The following SHANK2 variants were observed in gnomAD, a reference collection of about 807,000 sequenced individuals.
SHANK2 encodes the protein SH3 and multiple ankyrin repeat domains 2.
A neutral mutation model predicts 133.7 loss-of-function variants in SHANK2; 43 were observed. The ratio of observed to expected loss-of-function variants is 0.32; its 90% CI spans 0.25 to 0.41. SHANK2 has a LOEUF of 0.41. Among genes scored for constraint, SHANK2 ranks in the 10% least tolerant of loss-of-function variants. The probability of loss-of-function intolerance (pLI) is 1.00; values close to 1 mark genes in which losing one functional copy is unlikely to be tolerated. For missense variants in SHANK2, 1,994 were observed against 2,235.8 expected, an observed-to-expected ratio of 0.89 and a Z score of 2.18; for synonymous variants, 1,017 against 952.8, an observed-to-expected ratio of 1.07 and a Z score of -1.24.
chr11:70,769,196 G>A (rs1338209609), intron 14 of SHANK2, among the ~76,000 whole-genome samples: 1 of 152,158 alleles, frequency 6.6e-6, no homozygotes, highest in Non-Finnish European at 1.5e-5. Flanking sequence ...TTCCAGTTCC[G>A]GTCTCCTTCA....
At chr11:71,238,632 C>T (rs558931662) in intron 1 of SHANK2, among the ~76,000 whole-genome samples, 32 of 152,212 alleles carry the variant, frequency 2.1e-4, no homozygotes, top group Non-Finnish European at 4.1e-4. Flanking sequence ...TGCTATGCTC[C>T]CTCTGTGGCC....
chr11:70,520,340 G>C (rs1554970804), intron 17 of SHANK2, among the ~76,000 whole-genome samples: 3 of 152,184 alleles, frequency 2.0e-5, no homozygotes, highest in Non-Finnish European at 4.4e-5. Context: ...GGCTCTGCCT[G>C]CTGGGATGGT....
chr11:71,207,596 A>G (rs2135669401), intron 2 of SHANK2, among the ~76,000 whole-genome samples: 1 of 152,290 alleles, frequency 6.6e-6, no homozygotes. Context: ...TTCCAAGAAA[A>G]GGGGAAATTA....
At chr11:70,545,944 G>A (rs955753836) in intron 17 of SHANK2, among the ~76,000 whole-genome samples, 7 of 152,150 alleles carry the variant, frequency 4.6e-5, no homozygotes, top group Non-Finnish European at 7.3e-5. Flanking sequence ...ATCACTTATG[G>A]CAACCAGTTG....
chr11:70,770,071 C>T (rs4980552), intron 14 of SHANK2, among the ~76,000 whole-genome samples: 134,245 of 152,250 alleles, frequency 0.88, 60,065 homozygotes, highest in South Asian at 0.96. Context: ...GACCTGGGCC[C>T]TCTGGCTCCC....
intron 2 of SHANK2, among the ~76,000 whole-genome samples, chr11:71,207,154 G>C (rs1331468072): frequency 6.7e-6 from 1 of 149,204 alleles, no homozygotes; most frequent in African/African-American, 2.5e-5. Context: ...GGAACATTTG[G>C]ATTCAACCAA....
intron 12 of SHANK2, among the ~76,000 whole-genome samples, chr11:70,814,851 G>A (rs960993662): frequency 6.6e-6 from 1 of 152,232 alleles, no homozygotes; most frequent in African/African-American, 2.4e-5. Context: ...TGGTGGGTGA[G>A]GCCAGGGCAG....
At chr11:70,741,600 C>A (rs484938) in intron 14 of SHANK2, among the ~76,000 whole-genome samples, 3 of 152,042 alleles carry the variant, frequency 2.0e-5, no homozygotes, top group Non-Finnish European at 2.9e-5. Context: ...TGCCTGGGTA[C>A]CCTGTGTGTC....
intron 6 of SHANK2, among the ~76,000 whole-genome samples, chr11:71,103,536 T>C (rs539072904): frequency 1.1e-4 from 16 of 152,338 alleles, no homozygotes; most frequent in African/African-American, 3.6e-4. Context: ...GAAAACAACA[T>C]TGACTGAGCT....
At chr11:70,538,121 G>C (rs1414605267) in intron 17 of SHANK2, among the ~76,000 whole-genome samples, 4 of 152,216 alleles carry the variant, frequency 2.6e-5, no homozygotes, top group African/African-American at 7.2e-5. Context: ...GAGACCAGTG[G>C]GGATTCAGGC....
intron 10 of SHANK2, among the ~76,000 whole-genome samples, chr11:70,943,649 C>G (rs1950677958): frequency 1.3e-5 from 2 of 152,178 alleles, no homozygotes; most frequent in South Asian, 4.1e-4. Flanking sequence ...AGCACTGACC[C>G]TGAAATGCAG....
chr11:70,868,275 A>G (rs1217137023), intron 11 of SHANK2, among the ~76,000 whole-genome samples: 1 of 152,178 alleles, frequency 6.6e-6, no homozygotes, highest in East Asian at 1.9e-4. Context: ...GTCCACGGAC[A>G]TGGGGCGGTG....
intron 10 of SHANK2, among the ~76,000 whole-genome samples, chr11:70,937,418 G>A (rs1253563848): frequency 6.6e-6 from 1 of 152,206 alleles, no homozygotes; most frequent in Non-Finnish European, 1.5e-5. Flanking sequence ...CTGAGAGCCC[G>A]GTGAGGCCCC....
intron 4 of SHANK2, among the ~76,000 whole-genome samples, chr11:71,116,561 G>A (rs548292051): frequency 8.5e-5 from 13 of 152,374 alleles, no homozygotes; most frequent in African/African-American, 2.4e-4. Flanking sequence ...CCGGTCACCC[G>A]GGCAGGAAGC....
intron 17 of SHANK2, among the ~76,000 whole-genome samples, chr11:70,639,043 C>A (rs1020609494): frequency 6.6e-6 from 1 of 152,080 alleles, no homozygotes; most frequent in African/African-American, 2.4e-5. Flanking sequence ...CATTGAGAGT[C>A]CATGGCTCAC....
intron 11 of SHANK2, chr11:70,862,729 A>T (rs1949281126): frequency 5.7e-6 from 1 of 175,812 alleles, no homozygotes; most frequent in Non-Finnish European, 1.2e-5. Flanking sequence ...ATCATGAACA[A>T]AGAGGGAAAT....
chr11:70,838,582 C>T (rs941223689), intron 11 of SHANK2, among the ~76,000 whole-genome samples: 1 of 152,116 alleles, frequency 6.6e-6, no homozygotes, highest in Non-Finnish European at 1.5e-5. Context: ...TAGGGCCCCT[C>T]TGTGGCTCCA....
At chr11:71,118,327 T>C (rs536126379) in intron 4 of SHANK2, among the ~76,000 whole-genome samples, 35 of 152,218 alleles carry the variant, frequency 2.3e-4, no homozygotes, top group African/African-American at 8.4e-4. Context: ...TATAAAGAAA[T>C]ACCTGAGACT....
intron 2 of SHANK2, among the ~76,000 whole-genome samples, chr11:71,173,484 C>A (rs1185365535): frequency 6.6e-6 from 1 of 152,258 alleles, no homozygotes; most frequent in Non-Finnish European, 1.5e-5. Flanking sequence ...AAAGCTAATA[C>A]TGTTTTGAAC....
Sources: allele counts gnomAD v4.1 joint callset (sites outside exome capture counted in the v4.1 genomes callset), GRCh38; gene constraint gnomAD v4.1.1; transcripts MANE v1.5; gene names NCBI Gene and HGNC (gene_info 2026-07-23, HGNC 2026-07-21).